JPH3: variants seen among roughly 807,000 people sequenced by gnomAD.
The protein encoded by JPH3 is junctophilin-3.
JPH3 carries 11 observed loss-of-function variants against 59.6 expected under a neutral mutation model. That is an observed-to-expected ratio of 0.18 (90% CI 0.12 to 0.31). The LOEUF is 0.31. Ranked by LOEUF, JPH3 falls within the 10% of genes least tolerant of loss-of-function variation. The pLI is 1.00. For missense variants in JPH3, 1,202 were observed against 1,105.7 expected (o/e 1.09, Z -1.24); for synonymous variants, 673 against 483.6 (o/e 1.39, Z -5.14).
chr16:87,655,359 TATTTTTTGTGA>T (rs2032463643), intron 2 of JPH3, among the ~76,000 whole-genome samples: 2 of 151,584 alleles, frequency 1.3e-5, no homozygotes, highest in Non-Finnish European at 2.9e-5. Context: ...GACAGGGTGT[TATTTTTTGTGA>T]CAGGGTGTTG....
rs1287596184 is a variant in JPH3, at chr16:87,697,847, CCAT to C, written c.*1190_*1192del. ...TTCTGCCTTCTCCACCAGGGTCGCT[CCAT>C]CACCCAAACAAAAGAACAAGGTTTG... On this transcript the variant is annotated 3_prime_UTR_variant, in exon 5 of 5. Transcript: ENST00000284262. 6.6e-6 allele frequency: 1 copy of C among 152,342 alleles called. No homozygotes were observed. The highest frequency in any genetic ancestry group is 1.5e-5 in the Non-Finnish European group (1 of 68,060). The allele number at this position is 152,342 out of a possible 1,614,324, so 9.4% of individuals were successfully genotyped here. A position where few individuals can be genotyped will look rare whatever the true frequency, so the allele number is the denominator to read the frequency against.
chr16:87,619,505 A>C (rs951545251), intron 1 of JPH3, among the ~76,000 whole-genome samples: 8 of 152,130 alleles, frequency 5.3e-5, no homozygotes, highest in Non-Finnish European at 1.2e-4. Context: ...GCTCCAGAGT[A>C]CCAGGCACAG....
chr16:87,656,072 C>T (rs189906226), intron 2 of JPH3, among the ~76,000 whole-genome samples: 392 of 152,376 alleles, frequency 2.6e-3, no homozygotes, highest in African/African-American at 9.1e-3. Context: ...TGAAAGTTAA[C>T]CGATCGGGGT....
In JPH3 at chr16:87,689,693, G is replaced by A. The variant is rs368929223; in HGVS notation, c.1333G>A (p.Glu445Lys). The A allele has an allele frequency of 6.2e-6, 10 of 1,612,316 alleles. No homozygotes were observed. The highest frequency in any genetic ancestry group is 5.3e-5 in the African/African-American group (4 of 74,894). Residue 445 changes from glutamate to lysine, a missense_variant, in exon 4 of 5, where the codon GAG becomes AAG. Glu to Lys is a moderately conservative substitution (Grantham distance 56). Coordinates refer to ENST00000284262, the MANE Select transcript of JPH3 (RefSeq NM_020655.4). ...PKRQTSCDDI[E>K]VLSTGTPLQQ... The stretch of plus-strand genomic sequence containing the variant: ...GCGTCAGACCTCCTGTGACGACATC[G>A]AGGTGCTGTCCACCGGGACACCCCT...
intron 1 of JPH3, among the ~76,000 whole-genome samples, chr16:87,641,997 G>C (rs1377162723): frequency 1.3e-5 from 2 of 152,244 alleles, no homozygotes; most frequent in African/African-American, 4.8e-5. Flanking sequence ...GGGTGGGGCT[G>C]GCTTGGAGCC....
chr16:87,680,897 G>A (rs1411900780), intron 2 of JPH3, among the ~76,000 whole-genome samples: 1 of 152,150 alleles, frequency 6.6e-6, no homozygotes, highest in African/African-American at 2.4e-5. Flanking sequence ...TCATGTTGGT[G>A]GTATTTTTAC....
At chr16:87,604,106 A>G (rs2040893496) in intron 1 of JPH3, 6 of 1,325,110 alleles carry the variant, frequency 4.5e-6, no homozygotes, top group African/African-American at 3.0e-5. Flanking sequence ...GACGCGGACT[A>G]GCGCTGTCGA....
At chr16:87,685,159 C>A (rs1433227339) in intron 3 of JPH3, among the ~76,000 whole-genome samples, 2 of 152,182 alleles carry the variant, frequency 1.3e-5, no homozygotes, top group East Asian at 3.8e-4. Flanking sequence ...GGGCGCTCCC[C>A]TGACTGGAAC....
chr16:87,671,602 ACCGG>A (rs2033017242), intron 2 of JPH3, among the ~76,000 whole-genome samples: 1 of 64,848 alleles, frequency 1.5e-5, no homozygotes, highest in East Asian at 6.0e-4. Context: ...GGCCGCCTGC[ACCGG>A]CTCAGTTCTG....
At chr16:87,623,125 G>A (rs1000854185) in intron 1 of JPH3, among the ~76,000 whole-genome samples, 2 of 152,204 alleles carry the variant, frequency 1.3e-5, no homozygotes, top group African/African-American at 4.8e-5. Context: ...GCCCACCCCG[G>A]ATACTGCCCA....
chr16:87,626,113 C>T (rs942531948), intron 1 of JPH3, among the ~76,000 whole-genome samples: 1 of 152,138 alleles, frequency 6.6e-6, no homozygotes, highest in African/African-American at 2.4e-5. Flanking sequence ...GGGGAGGAGC[C>T]TCCTTGGGGG....
intron 1 of JPH3, among the ~76,000 whole-genome samples, chr16:87,616,216 G>A (rs1404842550): frequency 1.9e-4 from 28 of 145,548 alleles, no homozygotes; most frequent in African/African-American, 6.3e-4. Context: ...GTGTGTGTGT[G>A]TGTGTGTGTG....
rs2030727336 is a variant in JPH3 at position 87,611,362 on chromosome 16, C to T, written c.382+7834C>T. On this transcript the variant is annotated intron_variant, in intron 1 of 4. Transcript: ENST00000284262. The surrounding 1 kb of genome is among the most constrained non-coding windows in gnomAD (Gnocchi z 4.5). ...GGGGTAGGCAGTGCCTGAGTTGAGTCTGGAAGGGCAGTAGGGTGAGAGTTG... is the reference window on the plus strand; with the variant it reads ...GGGGTAGGCAGTGCCTGAGTTGAGTTTGGAAGGGCAGTAGGGTGAGAGTTG... Among the ~76,000 whole-genome samples, 1 of 152,126 alleles carries T rather than the reference C, an allele frequency of 6.6e-6. No homozygotes were observed. The highest frequency in any genetic ancestry group is 1.5e-5 in the Non-Finnish European group (1 of 68,024).
intron 1 of JPH3, among the ~76,000 whole-genome samples, chr16:87,607,557 C>T (rs1293453751): frequency 2.0e-5 from 3 of 152,270 alleles, no homozygotes; most frequent in Non-Finnish European, 4.4e-5. Context: ...TGGCCAAGGA[C>T]TCTGAATCTC....
chr16:87,694,536 C>G (rs143092425), intron 4 of JPH3: 2 of 152,276 alleles, frequency 1.3e-5, no homozygotes, highest in Non-Finnish European at 2.9e-5. Context: ...CCCACTGGGG[C>G]TCTGAGTTTG....
intron 2 of JPH3, among the ~76,000 whole-genome samples, chr16:87,665,910 C>A (rs571248780): frequency 6.6e-6 from 1 of 152,276 alleles, no homozygotes; most frequent in South Asian, 2.1e-4. Context: ...CCCATCGCTG[C>A]CCCCCAGGTA....
intron 3 of JPH3, among the ~76,000 whole-genome samples, chr16:87,689,434 C>G (rs540094736): frequency 8.5e-4 from 129 of 152,274 alleles, no homozygotes; most frequent in African/African-American, 3.0e-3. Flanking sequence ...CAGTCTCCCT[C>G]CAAGTGTCTG....
rs571367497 is a variant in JPH3, at chr16:87,673,236, T to A, written c.1161-10906T>A. Among the ~76,000 whole-genome samples the A allele has an allele frequency of 2.0e-5, 3 of 150,278 alleles. No individual in the cohort carries two copies. In the East Asian group the frequency reaches 5.9e-4, roughly 29 times the overall value. Reference sequence around the variant, plus strand: ...TCTACAAATCGACAAGAAAAAAAAATCAACCGCACTCTTAATAACAGAAAT... The same window carrying A: ...TCTACAAATCGACAAGAAAAAAAAAACAACCGCACTCTTAATAACAGAAAT... On this transcript the variant is annotated intron_variant, in intron 2 of 4. Coordinates refer to ENST00000284262, the MANE Select transcript of JPH3 (RefSeq NM_020655.4).
chr16:87,668,333 G>C (rs556961066), intron 2 of JPH3, among the ~76,000 whole-genome samples: 49 of 152,308 alleles, frequency 3.2e-4, no homozygotes, highest in Admixed American at 6.5e-4. Context: ...TCCCTTCTCT[G>C]TGTAGCCTGA....
Sources: allele counts gnomAD v4.1 joint callset (sites outside exome capture counted in the v4.1 genomes callset), GRCh38; gene constraint gnomAD v4.1.1; non-coding constraint Gnocchi (gnomAD v3.1); transcripts MANE v1.5; gene names NCBI Gene and HGNC (gene_info 2026-07-23, HGNC 2026-07-21).